The following PWP1 variants were observed in gnomAD, a reference collection of about 807,000 sequenced individuals.
The protein encoded by PWP1 is periodic tryptophan protein 1 homolog.
Under a neutral mutation model 69.9 loss-of-function variants are expected in PWP1, and 47 were observed. The observed-to-expected ratio is 0.67, with a 90% CI of 0.53 to 0.86. The LOEUF (loss-of-function observed/expected upper bound fraction) is 0.86, where lower values mean the gene tolerates loss of function less well. Among genes scored for constraint, PWP1 ranks in the 40% least tolerant of loss-of-function variants. PWP1 has a pLI of 0.00. For synonymous variants in PWP1, 222 were observed against 208.2 expected (o/e 1.07, Z -0.57); for missense variants, 551 against 608.8 (o/e 0.91, Z 1.00).
In PWP1 at chr12:107,693,067, A is replaced by C. The variant is rs1449952459; in HGVS notation, c.473A>C (p.Glu158Ala). ...SDNLIVCGRA[E>A]QDQCNLEVHV... ...AATCTTATAGTTTGTGGCCGAGCTG[A>C]ACAGGACCAGTGCAATTTAGAGGTG... The change falls in exon 5 of 15, where the codon GAA (glutamate) becomes GCA (alanine). Residue 158 changes from glutamate to alanine, a missense_variant. Transcript: ENST00000412830. 6 of 1,613,930 alleles carry C rather than the reference A, an allele frequency of 3.7e-6. No individual in the cohort carries two copies. Among genetic ancestry groups the C allele is most frequent in the Non-Finnish European group, 5.1e-6 (6 of 1,179,996 alleles).
In PWP1 at chr12:107,688,665, A is replaced by G. The variant is rs1228726611; in HGVS notation, c.182A>G (p.Asp61Gly). 12 of 1,614,092 alleles carry G rather than the reference A, an allele frequency of 7.4e-6. No homozygotes were observed. Among genetic ancestry groups the G allele is most frequent in the Non-Finnish European group, 1.0e-5 (12 of 1,180,032 alleles). Reference protein sequence around the residue: ...DEEETGSPSEDGMQSARTQAR... With the variant: ...DEEETGSPSEGGMQSARTQAR... ...GAGGAGACAGGCAGTCCTTCAGAAGATGGCATGCAGAGTGCACGCACCCAG... is the reference window on the plus strand; with the variant it reads ...GAGGAGACAGGCAGTCCTTCAGAAGGTGGCATGCAGAGTGCACGCACCCAG... The change falls in exon 3 of 15, where the codon GAT becomes GGT. Residue 61 changes from aspartate to glycine, a missense_variant. Asp to Gly is a moderately conservative substitution (Grantham distance 94). Transcript: ENST00000412830.
intron 3 of PWP1, 38 bp from the exon 4 acceptor site, chr12:107,692,776 A>T (rs1285233990): frequency 1.3e-6 from 2 of 1,504,132 alleles, no homozygotes; most frequent in Non-Finnish European, 1.8e-6. Context: ...TGTCAAGATG[A>T]CTATTTTATT....
intron 7 of PWP1, 156 bp downstream of exon 7, chr12:107,697,753 G>C: frequency 1.3e-6 from 1 of 765,254 alleles, no homozygotes; most frequent in Non-Finnish European, 2.2e-6. Flanking sequence ...TTTTGAAAAG[G>C]CCATCCAAAG....
In PWP1 at chr12:107,692,898, C is replaced by G; in HGVS notation, c.404C>G (p.Thr135Arg). 6.2e-7 allele frequency: 1 copy of G among 1,613,790 alleles called. No homozygotes were observed. Among genetic ancestry groups the G allele is most frequent in the Non-Finnish European group, 8.5e-7 (1 of 1,179,770 alleles). Residue 135 changes from threonine (T) to arginine (R), a missense_variant and splice_region_variant, in exon 4 of 15, where the codon ACA (threonine) becomes AGA (arginine). Thr to Arg is a moderately conservative substitution (Grantham distance 71). Transcript: ENST00000412830. ...DQDPYVTLKD[T>R]EQYEREDFLI... Reference sequence around the variant, plus strand: ...GATCCTTACGTTACTCTGAAAGATACAGTAAGTATTTACATCTTTTTTCTA... The same window carrying G: ...GATCCTTACGTTACTCTGAAAGATAGAGTAAGTATTTACATCTTTTTTCTA...
At chr12:107,698,986 G>A (rs1035077649) in intron 7 of PWP1, among the ~76,000 whole-genome samples, 6 of 152,026 alleles carry the variant, frequency 3.9e-5, no homozygotes, top group African/African-American at 9.7e-5. Flanking sequence ...ACAATAGGTC[G>A]GGTGCAGTAG....
At chr12:107,687,770 G>A (rs944435891) in intron 1 of PWP1, among the ~76,000 whole-genome samples, 2 of 151,980 alleles carry the variant, frequency 1.3e-5, no homozygotes, top group Admixed American at 6.6e-5. Flanking sequence ...GGTGGCTCAC[G>A]CCTGTAATCC....
At chr12:107,688,014 G>C (rs1369094950) in intron 1 of PWP1, among the ~76,000 whole-genome samples, 1 of 112,194 alleles carries the variant, frequency 8.9e-6, no homozygotes, top group Non-Finnish European at 1.7e-5. Context: ...CTGGGCAACA[G>C]AGCGAGACTC....
At chr12:107,708,853 A>G in intron 11 of PWP1, 73 bp from the exon 12 acceptor site, 2 of 1,337,594 alleles carry the variant, frequency 1.5e-6, no homozygotes, top group Non-Finnish European at 2.1e-6. Flanking sequence ...GATTTTCACT[A>G]TGACTTAGAC....
At chr12:107,697,943 A>C in intron 7 of PWP1, 1 of 366,218 alleles carries the variant, frequency 2.7e-6, no homozygotes, top group Non-Finnish European at 5.3e-6. Context: ...ACTTTAAAAA[A>C]ATTTCTGTTA....
intron 3 of PWP1, among the ~76,000 whole-genome samples, chr12:107,691,115 A>G (rs1889472110): frequency 6.6e-6 from 1 of 152,238 alleles, no homozygotes; most frequent in African/African-American, 2.4e-5. Flanking sequence ...AACATTGTGG[A>G]GGCAGAACTG....
chr12:107,693,099 A>G lies in PWP1; in HGVS notation c.502+3A>G. ...CCAGTGCAATTTAGAGGTGCATGGT[A>G]AGTGATAAATCCCTTATTAAAAGAT... On this transcript the variant is annotated splice_donor_region_variant and intron_variant, in intron 5 of 14. Coordinates refer to ENST00000412830, the MANE Select transcript of PWP1 (RefSeq NM_007062.3). The G allele has an allele frequency of 6.3e-7, 1 of 1,596,036 alleles. No homozygotes were observed. The highest frequency in any genetic ancestry group is 8.5e-7 in the Non-Finnish European group (1 of 1,173,510).
chr12:107,711,560 A>G (rs1290162161), intron 14 of PWP1, among the ~76,000 whole-genome samples: 3 of 152,108 alleles, frequency 2.0e-5, no homozygotes, highest in African/African-American at 4.8e-5. Context: ...ACAAAATCCA[A>G]CTTTCCGGAA....
chr12:107,690,281 G>A (rs1411574627), intron 3 of PWP1, among the ~76,000 whole-genome samples: 1 of 152,196 alleles, frequency 6.6e-6, no homozygotes, highest in Non-Finnish European at 1.5e-5. Context: ...TTGGGAGGCT[G>A]AGGCAGCAGG....
At chr12:107,697,444 A>C (rs1051512709) in intron 6 of PWP1, 23 bp from the exon 7 acceptor site, 25 of 1,559,336 alleles carry the variant, frequency 1.6e-5, no homozygotes, top group African/African-American at 2.8e-5. Context: ...GTGTAATCAT[A>C]CATGCATTGT....
In PWP1 at chr12:107,688,502, T is replaced by G; in HGVS notation, c.127T>G (p.Leu43Val). 6.2e-7 allele frequency: 1 copy of G among 1,613,988 alleles called. No individual in the cohort carries two copies. The highest frequency in any genetic ancestry group is 8.5e-7 in the Non-Finnish European group (1 of 1,179,948). Residue 43 changes from leucine to valine, a missense_variant, in exon 2 of 15, where the codon TTG becomes GTG. Transcript: ENST00000412830. ...KRLIAEAKEK[L>V]QEEGGGSDEE... ...CCTCATTGCTGAGGCAAAGGAGAAA[T>G]TGCAGTAAGTTTAGGACCAGATGAA...
intron 14 of PWP1, 114 bp from the exon 15 acceptor site, chr12:107,711,997 C>T (rs1435273817): frequency 1.1e-5 from 8 of 750,802 alleles, no homozygotes; most frequent in Non-Finnish European, 1.8e-5. Context: ...GAGTTGGTTA[C>T]TCACTTTACC....
chr12:107,697,315 G>A, intron 6 of PWP1, 152 bp from the exon 7 acceptor site: 1 of 681,674 alleles, frequency 1.5e-6, no homozygotes. Flanking sequence ...AATACAATCT[G>A]CATTTGTAAC....
chr12:107,704,620 G>C lies in PWP1; in HGVS notation c.966-16G>C. The C allele has an allele frequency of 6.2e-7, 1 of 1,600,320 alleles. No homozygotes were observed. The highest frequency in any genetic ancestry group is 8.6e-7 in the Non-Finnish European group (1 of 1,168,670). ...ATTGAACTCTTAAAACCCTAACTTTGCCTGAATGTGTCTAGGTCAGTGGCT... is the reference window on the plus strand; with the variant it reads ...ATTGAACTCTTAAAACCCTAACTTTCCCTGAATGTGTCTAGGTCAGTGGCT... On this transcript the variant is annotated splice_polypyrimidine_tract_variant and intron_variant, in intron 10 of 14. Coordinates refer to ENST00000412830, the MANE Select transcript of PWP1 (RefSeq NM_007062.3).
rs1889779086 is a variant in PWP1, at chr12:107,704,708, G to A, written c.1038G>A (p.Glu346=). The change falls in exon 11 of 15, where the codon GAG becomes GAA. Residue 346 remains glutamate (E), a synonymous_variant. Coordinates refer to ENST00000412830, the MANE Select transcript of PWP1 (RefSeq NM_007062.3). The part of the protein sequence containing the change: ...HRMWRFSGQI[E]RVTWNHFSPC... ...TGTGGCGATTCAGTGGGCAGATAGA[G>A]AGAGTGACTTGGAATCACTTTTCAC... The A allele has an allele frequency of 6.2e-7, 1 of 1,613,780 alleles. No homozygotes were observed.
Sources: gnomAD v4.1 joint callset for allele counts (sites outside exome capture counted in the v4.1 genomes callset) on GRCh38, gnomAD v4.1.1 for gene constraint, MANE v1.5 for transcripts, NCBI Gene and HGNC (gene_info 2026-07-23, HGNC 2026-07-21) for gene names.